The following SI variants were observed in gnomAD, a reference collection of about 807,000 sequenced individuals.
SI encodes sucrase-isomaltase.
A neutral mutation model predicts 253.3 loss-of-function variants in SI; 235 were observed. That is an observed-to-expected ratio of 0.93 (90% CI 0.83 to 1.03). The LOEUF (loss-of-function observed/expected upper bound fraction) is 1.03. Ranked by LOEUF, SI falls within the 50% of genes least tolerant of loss-of-function variation. SI has a pLI of 0.00. For missense variants in SI, 2,442 were observed against 2,211.1 expected (o/e 1.10, Z -2.09); for synonymous variants, 819 against 712.0 (o/e 1.15, Z -2.39).
upstream of SI, among the ~76,000 whole-genome samples, chr3:165,082,857 C>G (rs1715383115): frequency 6.6e-6 from 1 of 151,934 alleles, no homozygotes; most frequent in Admixed American, 6.6e-5. Context: ...AGCAGGGTCT[C>G]TTAGTAACAG....
At chr3:164,997,275 C>A (rs541902953) in intron 38 of SI, among the ~76,000 whole-genome samples, 1 of 151,678 alleles carries the variant, frequency 6.6e-6, no homozygotes, top group South Asian at 2.1e-4. Context: ...AGGAATATTT[C>A]TAAGAATTAA....
intron 12 of SI, among the ~76,000 whole-genome samples, chr3:165,058,242 G>A (rs1052086513): frequency 2.0e-5 from 3 of 151,784 alleles, no homozygotes; most frequent in Non-Finnish European, 2.9e-5. Context: ...TAAAACAAAT[G>A]ATAATGGAAA....
chr3:165,009,664 G>T lies in SI; in HGVS notation c.4063-269C>A, dbSNP rs534154459. Among the ~76,000 whole-genome samples the T allele has an allele frequency of 2.0e-5, 3 of 152,240 alleles. No individual in the cohort carries two copies. The East Asian group carries it at 5.8e-4, about 29-fold the overall frequency. On this transcript the variant is annotated intron_variant, in intron 34 of 47. Coordinates refer to ENST00000264382, the MANE Select transcript of SI (RefSeq NM_001041.4). ...ACAACCCACAAAAGCATTATTTTTA[G>T]TGCTTCCTAGAGTAATGGGGAAGCT...
chr3:165,050,593 A>C (rs753736143), intron 13 of SI, among the ~76,000 whole-genome samples: 8 of 152,106 alleles, frequency 5.3e-5, no homozygotes, highest in Non-Finnish European at 1.0e-4. Context: ...GATAAATTTT[A>C]TAAAATCATA....
At chr3:165,067,179 CA>C (rs1202035917) in intron 6 of SI, among the ~76,000 whole-genome samples, 160 bp downstream of exon 6, 1 of 151,864 alleles carries the variant, frequency 6.6e-6, no homozygotes, top group Non-Finnish European at 1.5e-5. Flanking sequence ...ATCTTTCATC[CA>C]CAAGAAACCA....
At chr3:165,025,267 G>A (rs1274990547) in intron 25 of SI, among the ~76,000 whole-genome samples, 1 of 151,056 alleles carries the variant, frequency 6.6e-6, no homozygotes, top group Non-Finnish European at 1.5e-5. Flanking sequence ...TTCAAGATGA[G>A]GTTTTTGAAT....
At chr3:165,014,928 C>T (rs1303427850) in intron 33 of SI, among the ~76,000 whole-genome samples, 195 bp downstream of exon 33, 1 of 152,032 alleles carries the variant, frequency 6.6e-6, no homozygotes, top group Non-Finnish European at 1.5e-5. Flanking sequence ...CATATTTGGA[C>T]ATGTGACTTA....
At position 165,015,145 on chromosome 3, in the gene SI, G is replaced by C. The variant is rs1334719838; in HGVS notation, c.3977C>G (p.Thr1326Ser). The C allele has an allele frequency of 1.2e-5, 19 of 1,611,810 alleles. No homozygotes were observed. The highest frequency in any genetic ancestry group is 1.6e-5 in the Non-Finnish European group (19 of 1,178,194). The change falls in exon 33 of 48, where the codon ACC becomes AGC. Residue 1326 changes from threonine (T) to serine (S), a missense_variant. Thr to Ser is a moderately conservative substitution (Grantham distance 58). Coordinates refer to ENST00000264382, the MANE Select transcript of SI (RefSeq NM_001041.4). ...QNDVFVKWPN[T>S]NDICWAKVWP... ...TACCTTTGCCCAACAAATGTCATTG[G>C]TGTTTGGCCATTTGACAAAGACATC...
rs201055347 is a variant in SI, at chr3:165,046,891, C to A, written c.1837G>T (p.Glu613Ter). The A allele has an allele frequency of 3.3e-5, 54 of 1,613,146 alleles. No individual in the cohort carries two copies. The highest frequency in any genetic ancestry group is 4.6e-5 in the Non-Finnish European group (54 of 1,179,522). Reference sequence around the variant, plus strand: ...TCCAGCATTCCAGTTATAGACCATTCCATTTGTTCCCATGAAGCAGTATTG... The same window carrying A: ...TCCAGCATTCCAGTTATAGACCATTACATTTGTTCCCATGAAGCAGTATTG... ...GDNTASWEQM[E>*]WSITGMLEFS... is the part of the protein sequence containing the mutation. Residue 613 changes from glutamate (E) to a stop codon, truncating the protein, a stop_gained, in exon 16 of 48, where the codon GAA becomes TAA. Transcript: ENST00000264382. LOFTEE classifies it high-confidence loss of function.
upstream of SI, among the ~76,000 whole-genome samples, chr3:165,081,200 TATC>T (rs1192255951): frequency 2.0e-5 from 3 of 152,058 alleles, no homozygotes; most frequent in African/African-American, 4.8e-5. Context: ...ACTTAAAACA[TATC>T]ATTTTATTTA....
the SI span, among the ~76,000 whole-genome samples, chr3:165,085,422 A>T: frequency 1.3e-5 from 2 of 152,264 alleles, no homozygotes; most frequent in South Asian, 2.1e-4. Flanking sequence ...ATTCATCCAC[A>T]TAATCAATTA....
intron 25 of SI, among the ~76,000 whole-genome samples, chr3:165,028,970 C>A (rs770700790): frequency 6.6e-6 from 1 of 151,486 alleles, no homozygotes; most frequent in Non-Finnish European, 1.5e-5. Context: ...AAGGAACAGT[C>A]AGCAGAGTAA....
chr3:165,028,015 T>C (rs1417215956), intron 25 of SI, among the ~76,000 whole-genome samples: 1 of 151,370 alleles, frequency 6.6e-6, no homozygotes, highest in Non-Finnish European at 1.5e-5. Context: ...TTGCTGATGA[T>C]ATGATTGTTT....
Position 165,007,987 on chromosome 3 carries a change from C to T in SI, c.4191G>A (p.Glu1397=), listed in dbSNP as rs886058141. The T allele has an allele frequency of 3.2e-6, 5 of 1,556,218 alleles. No individual in the cohort carries two copies. Among genetic ancestry groups the T allele is most frequent in the Non-Finnish European group, 3.5e-6 (4 of 1,128,824 alleles). Residue 1397 remains glutamate, a synonymous_variant, in exon 36 of 48, where the codon GAG becomes GAA. Transcript: ENST00000264382. The part of the protein sequence containing the change: ...KFDGLWIDMN[E]PSSFVNGTTT... ...TTGTTCCATTTACAAAACTTGATGG[C>T]TCATTCATATCCTTAAAAAAAGATG...
chr3:165,041,125 A>G (rs1285553407), intron 17 of SI, 31 bp from the exon 18 acceptor site: 1 of 1,605,360 alleles, frequency 6.2e-7, no homozygotes, highest in African/African-American at 1.3e-5. Context: ...TTAAAATAAG[A>G]AAGCTAAAGT....
In SI at chr3:165,019,761, A is replaced by G; in HGVS notation, c.3264T>C (p.Ser1088=). ...RRSSGRVIWD[S]WLPGFAFNDQ... ...CATTAAAAGCAAATCCAGGCAGCCAAGAATCCCAACTGAAAACAAAAGAAA... is the reference window on the plus strand; with the variant it reads ...CATTAAAAGCAAATCCAGGCAGCCAGGAATCCCAACTGAAAACAAAAGAAA... The change falls in exon 28 of 48, where the codon TCT becomes TCC. Residue 1088 remains serine, a synonymous_variant. Coordinates refer to ENST00000264382, the MANE Select transcript of SI (RefSeq NM_001041.4). The G allele has an allele frequency of 1.9e-6, 3 of 1,612,468 alleles. No individual in the cohort carries two copies. Among genetic ancestry groups the G allele is most frequent in the Non-Finnish European group, 2.5e-6 (3 of 1,178,892 alleles).
intron 45 of SI, among the ~76,000 whole-genome samples, chr3:164,986,862 A>G (rs1395730981): frequency 6.6e-6 from 1 of 152,216 alleles, no homozygotes; most frequent in African/African-American, 2.4e-5. Context: ...AGCTTCTGAA[A>G]GTACAAAGAT....
intron 15 of SI, among the ~76,000 whole-genome samples, chr3:165,048,046 C>T (rs1371296902): frequency 6.6e-6 from 1 of 151,852 alleles, no homozygotes; most frequent in East Asian, 1.9e-4. Flanking sequence ...TTAACTTAAA[C>T]ACTGCTTCAT....
intron 37 of SI, among the ~76,000 whole-genome samples, chr3:165,005,731 T>C (rs920745527): frequency 6.6e-6 from 1 of 152,188 alleles, no homozygotes; most frequent in Non-Finnish European, 1.5e-5. Flanking sequence ...GCACCCAGAA[T>C]TATAGATGAT....
Sources: allele counts gnomAD v4.1 joint callset (sites outside exome capture counted in the v4.1 genomes callset), GRCh38; gene constraint gnomAD v4.1.1; transcripts MANE v1.5; gene names NCBI Gene and HGNC (gene_info 2026-07-23, HGNC 2026-07-21).